The following RASD2 variants were observed in gnomAD, a reference collection of about 807,000 sequenced individuals.
RASD2 encodes RASD family member 2.
In RASD2, 7 loss-of-function variants were observed where a neutral mutation model predicts 15.8. The observed-to-expected ratio is 0.44, with a 90% CI of 0.25 to 0.83. The LOEUF (loss-of-function observed/expected upper bound fraction) is 0.83, where lower values mean the gene tolerates loss of function less well. Ranked by LOEUF, RASD2 falls within the 40% of genes least tolerant of loss-of-function variation. The probability of loss-of-function intolerance (pLI) is 0.20; values close to 1 mark genes in which losing one functional copy is unlikely to be tolerated. For missense variants in RASD2, 274 were observed against 382.8 expected (o/e 0.72, Z 2.37); for synonymous variants, 155 against 153.6 (o/e 1.01, Z -0.07).
rs559065955 is a variant in RASD2 at position 35,546,118 on chromosome 22, G to A, written c.-9-683G>A. Among the ~76,000 whole-genome samples the A allele has an allele frequency of 3.9e-5, 6 of 152,228 alleles. No homozygotes were observed. In the East Asian group the frequency reaches 5.8e-4, roughly 15 times the overall value. On this transcript the variant is annotated intron_variant, in intron 1 of 2. Coordinates refer to ENST00000216127, the MANE Select transcript of RASD2 (RefSeq NM_014310.4). Reference sequence around the variant, plus strand: ...TAGGGCCTGGGAGGCAAAAATATCCGGGCAGGTCATGGAGCGGAGGGAGCC... The same window carrying A: ...TAGGGCCTGGGAGGCAAAAATATCCAGGCAGGTCATGGAGCGGAGGGAGCC...
upstream of RASD2, among the ~76,000 whole-genome samples, chr22:35,538,197 A>C (rs1569098738): frequency 6.6e-6 from 1 of 151,980 alleles, no homozygotes; most frequent in Non-Finnish European, 1.5e-5. Context: ...GTCTCAAACT[A>C]TTGGCCTCAA....
intron 1 of RASD2, among the ~76,000 whole-genome samples, chr22:35,542,230 G>A (rs1444536841): frequency 6.6e-6 from 1 of 152,210 alleles, no homozygotes; most frequent in African/African-American, 2.4e-5. Context: ...GAGACAAGAT[G>A]GGGTCCCTGC....
At chr22:35,548,145 G>A (rs1157742359) in intron 2 of RASD2, among the ~76,000 whole-genome samples, 1 of 152,178 alleles carries the variant, frequency 6.6e-6, no homozygotes. Flanking sequence ...GAGCTGAGGG[G>A]CTGTGCCCTT....
chr22:35,549,487 G>A (rs181195272), intron 2 of RASD2, among the ~76,000 whole-genome samples: 7 of 152,262 alleles, frequency 4.6e-5, no homozygotes, highest in Admixed American at 1.3e-4. Context: ...TCGCAGTCTC[G>A]CATTTGAATA....
Position 35,551,735 on chromosome 22 carries a change from C to G in RASD2, c.504C>G (p.Tyr168Ter), listed in dbSNP as rs1287368511. The G allele has an allele frequency of 1.9e-6, 3 of 1,614,004 alleles. No individual in the cohort carries two copies. Among genetic ancestry groups the G allele is most frequent in the Non-Finnish European group, 2.5e-6 (3 of 1,179,978 alleles). ...TGTCGGGCGACGAGAACTGCGCCTACTTCGAGGTGTCGGCCAAGAAGAACA... is the reference window on the plus strand; with the variant it reads ...TGTCGGGCGACGAGAACTGCGCCTAGTTCGAGGTGTCGGCCAAGAAGAACA... Reference protein sequence around the residue: ...LLVSGDENCAYFEVSAKKNTN... With the variant: ...LLVSGDENCA The change falls in exon 3 of 3, where the codon TAC becomes TAG. Residue 168 changes from tyrosine to a stop codon, truncating the protein, a stop_gained. Coordinates refer to ENST00000216127, the MANE Select transcript of RASD2 (RefSeq NM_014310.4). LOFTEE classifies it high-confidence loss of function. This position sits in a 1 kb window ranked among gnomAD's most constrained non-coding sequence, Gnocchi z 4.9.
chr22:35,538,930 A>T (rs1601808238), upstream of RASD2, among the ~76,000 whole-genome samples: 3 of 152,308 alleles, frequency 2.0e-5, no homozygotes, highest in African/African-American at 7.2e-5. Flanking sequence ...TCCCAGAGGC[A>T]AAGTCTGGAT....
In RASD2 at chr22:35,551,493, C is replaced by T; in HGVS notation, c.272-10C>T. 1 of 1,602,024 alleles carries T rather than the reference C, an allele frequency of 6.2e-7. No individual in the cohort carries two copies. The highest frequency in any genetic ancestry group is 8.5e-7 in the Non-Finnish European group (1 of 1,170,174). ...CCGGTGAACTCACTACCTGGGCTCTCTCCCTGCAGGGGATGTCTTCATCCT... is the reference window on the plus strand; with the variant it reads ...CCGGTGAACTCACTACCTGGGCTCTTTCCCTGCAGGGGATGTCTTCATCCT... On this transcript the variant is annotated splice_polypyrimidine_tract_variant and intron_variant, in intron 2 of 2. Coordinates refer to ENST00000216127, the MANE Select transcript of RASD2 (RefSeq NM_014310.4). This position sits in a 1 kb window ranked among gnomAD's most constrained non-coding sequence, Gnocchi z 4.9.
At position 35,548,922 on chromosome 22, in the gene RASD2, G is replaced by A. The variant is rs548145525; in HGVS notation, c.271+1842G>A. 2.3e-4 allele frequency among the ~76,000 whole-genome samples: 35 copies of A among 152,302 alleles called. 1 individual carries two copies. The South Asian group carries it at 3.1e-3, about 14-fold the overall frequency. The stretch of plus-strand genomic sequence containing the variant: ...GGCTTGTGGCGGGAGCTTCCAGCAC[G>A]TGACGGGTATTGCATTGGTGTCAGC... On this transcript the variant is annotated intron_variant, in intron 2 of 2. Transcript: ENST00000216127.
upstream of RASD2, among the ~76,000 whole-genome samples, chr22:35,537,359 G>T (rs189045347): frequency 1.1e-4 from 17 of 152,326 alleles, no homozygotes; most frequent in African/African-American, 3.8e-4. Flanking sequence ...TTAATGATGT[G>T]AGAATAAAAG....
chr22:35,543,260 C>G (rs938402531), intron 1 of RASD2, among the ~76,000 whole-genome samples: 1 of 152,132 alleles, frequency 6.6e-6, no homozygotes, highest in Non-Finnish European at 1.5e-5. Flanking sequence ...TCAGAATGGC[C>G]CTGTGATGGG....
chr22:35,538,418 A>G (rs75721342), upstream of RASD2, among the ~76,000 whole-genome samples: 1,599 of 152,110 alleles, frequency 0.011, 22 homozygotes, highest in African/African-American at 0.034. Context: ...AGCTATGACA[A>G]AGGGTCTGAT....
In RASD2 at chr22:35,552,267, T is replaced by G; in HGVS notation, c.*235T>G. The G allele has an allele frequency of 1.7e-6, 1 of 585,510 alleles. No individual in the cohort carries two copies. The highest frequency in any genetic ancestry group is 3.0e-6 in the Non-Finnish European group (1 of 333,148). 36.3% of individuals were successfully genotyped at this position (585,510 alleles called of 1,614,324 possible). A position where few individuals can be genotyped will look rare whatever the true frequency, so the allele number is the denominator to read the frequency against. On this transcript the variant is annotated 3_prime_UTR_variant, in exon 3 of 3. Transcript: ENST00000216127. The stretch of plus-strand genomic sequence containing the variant: ...TTCATCTCCTCTGTGGGAGGACACA[T>G]CTCTGCAGCCTCAAGAGTTAGGCAG...
At chr22:35,547,141 TG>T in intron 2 of RASD2, 61 bp downstream of exon 2, 1 of 1,527,010 alleles carries the variant, frequency 6.5e-7, no homozygotes, top group Non-Finnish European at 8.9e-7. Context: ...CGGAGTGTGC[TG>T]GGCACTTGGC....
upstream of RASD2, among the ~76,000 whole-genome samples, chr22:35,536,439 C>T (rs561461341): frequency 6.6e-6 from 1 of 152,180 alleles, no homozygotes; most frequent in South Asian, 2.1e-4. Flanking sequence ...CATTCTGCTG[C>T]CTCAGCCTCC....
chr22:35,546,126 C>T (rs1934496507), intron 1 of RASD2, among the ~76,000 whole-genome samples: 1 of 152,134 alleles, frequency 6.6e-6, no homozygotes, highest in South Asian at 2.1e-4. Context: ...CCGGGCAGGT[C>T]ATGGAGCGGA....
intron 1 of RASD2, among the ~76,000 whole-genome samples, chr22:35,544,242 G>C (rs760222005): frequency 2.0e-5 from 3 of 152,240 alleles, no homozygotes; most frequent in Non-Finnish European, 4.4e-5. Flanking sequence ...TTGGGGAGGG[G>C]GCTGTCATGG....
Position 35,553,308 on chromosome 22 carries a change from C to G in RASD2, c.*1276C>G, listed in dbSNP as rs1332311386. 1 of 152,452 alleles carries G rather than the reference C, an allele frequency of 6.6e-6. No homozygotes were observed. The highest frequency in any genetic ancestry group is 2.4e-5 in the African/African-American group (1 of 41,372). 9.4% of individuals were successfully genotyped at this position (152,452 alleles called of 1,614,324 possible). ...AGGGATCCGACAGAAAAGCTCAGGG[C>G]GGGTCTTCTCCTTGTGCCCGGGATT... On this transcript the variant is annotated 3_prime_UTR_variant, in exon 3 of 3. Coordinates refer to ENST00000216127, the MANE Select transcript of RASD2 (RefSeq NM_014310.4).
In RASD2 at chr22:35,546,823, T is replaced by C. The variant is rs1446754000; in HGVS notation, c.14T>C (p.Leu5Ser). The C allele has an allele frequency of 6.2e-7, 1 of 1,613,656 alleles. No homozygotes were observed. The highest frequency in any genetic ancestry group is 1.1e-5 in the South Asian group (1 of 91,004). Residue 5 changes from leucine to serine, a missense_variant, in exon 2 of 3, where the codon TTG becomes TCG. Transcript: ENST00000216127. ...CAGCCCCGAGCCATGATGAAGACTT[T>C]GTCCAGCGGGAACTGCACGCTCAGT... MMKTLSSGNCTLSVP... is the reference protein window; with the variant it reads MMKTSSSGNCTLSVP...
At chr22:35,547,127 G>C in intron 2 of RASD2, 47 bp downstream of exon 2, 3 of 1,566,632 alleles carry the variant, frequency 1.9e-6, no homozygotes, top group Non-Finnish European at 2.6e-6. Flanking sequence ...CCAGGGCATG[G>C]GTGCGGAGTG....
Sources: gnomAD v4.1 joint callset for allele counts (sites outside exome capture counted in the v4.1 genomes callset) on GRCh38, gnomAD v4.1.1 for gene constraint, Gnocchi (gnomAD v3.1) non-coding constraint, MANE v1.5 for transcripts, NCBI Gene and HGNC (gene_info 2026-07-23, HGNC 2026-07-21) for gene names.